Variants in THRB observed in about 807,000 individuals in gnomAD.
THRB encodes thyroid hormone receptor beta, also known as nuclear receptor subfamily 1 group A member 2.
THRB carries 12 observed loss-of-function variants against 47.8 expected under a neutral mutation model. That is an observed-to-expected ratio of 0.25 (90% CI 0.16 to 0.41). THRB has a LOEUF of 0.41. THRB is among the 10% of genes least tolerant of loss of function. THRB has a pLI of 1.00. For synonymous variants in THRB, 218 were observed against 212.2 expected (o/e 1.03, Z -0.24); for missense variants, 348 against 589.2 (o/e 0.59, Z 4.24).
intron 1 of THRB, among the ~76,000 whole-genome samples, chr3:24,434,215 T>A (rs1577533286): frequency 6.6e-6 from 1 of 152,280 alleles, no homozygotes; most frequent in East Asian, 1.9e-4. Context: ...ATATTCGGTG[T>A]TTTACAAATG....
At chr3:24,326,770 T>TTTTTTTTTTTC (rs2061623063) in intron 2 of THRB, among the ~76,000 whole-genome samples, 1 of 131,046 alleles carries the variant, frequency 7.6e-6, no homozygotes, top group African/African-American at 3.0e-5. Context: ...TTTTTTTTTT[T>TTTTTTTTTTTC]TTTTTTTTTT....
chr3:24,303,839 C>T (rs1261276836), intron 2 of THRB, among the ~76,000 whole-genome samples: 1 of 152,190 alleles, frequency 6.6e-6, no homozygotes, highest in Non-Finnish European at 1.5e-5. Context: ...GCATTTCCTA[C>T]ATGTACTTTT....
chr3:24,485,806 C>T (rs1697207026), intron 1 of THRB, among the ~76,000 whole-genome samples: 2 of 152,190 alleles, frequency 1.3e-5, no homozygotes, highest in Admixed American at 6.5e-5. Flanking sequence ...GTACATTGTA[C>T]TTAACTATGT....
At chr3:24,313,538 T>G (rs554830067) in intron 2 of THRB, among the ~76,000 whole-genome samples, 1 of 152,302 alleles carries the variant, frequency 6.6e-6, no homozygotes, top group South Asian at 2.1e-4. Context: ...AAAATATGTT[T>G]CTCTCTACTT....
At chr3:24,149,225 G>T (rs1416733442) in intron 6 of THRB, among the ~76,000 whole-genome samples, 2 of 152,188 alleles carry the variant, frequency 1.3e-5, no homozygotes, top group African/African-American at 4.8e-5. Context: ...GAGGGGAGGG[G>T]TAGGGTAGCA....
intron 1 of THRB, among the ~76,000 whole-genome samples, chr3:24,383,269 A>G (rs1486438387): frequency 6.6e-6 from 1 of 152,082 alleles, no homozygotes; most frequent in Non-Finnish European, 1.5e-5. Context: ...TTCCCCATTT[A>G]TCTAACTATT....
At chr3:24,295,272 T>C (rs950013213) in intron 3 of THRB, among the ~76,000 whole-genome samples, 18 of 152,234 alleles carry the variant, frequency 1.2e-4, no homozygotes, top group African/African-American at 4.1e-4. Flanking sequence ...TGGTAAGTGA[T>C]AGCCCTAACC....
chr3:24,294,649 A>G (rs1487640212), intron 3 of THRB, among the ~76,000 whole-genome samples: 1 of 152,206 alleles, frequency 6.6e-6, no homozygotes, highest in East Asian at 1.9e-4. Flanking sequence ...CCTGGGAACA[A>G]AAGGCAACAC....
At chr3:24,368,715 T>C (rs942072576) in intron 1 of THRB, among the ~76,000 whole-genome samples, 18 of 152,196 alleles carry the variant, frequency 1.2e-4, no homozygotes, top group African/African-American at 4.3e-4. Context: ...CTTACCTTGA[T>C]GATTCTATTT....
intron 5 of THRB, among the ~76,000 whole-genome samples, chr3:24,170,859 TAA>T (rs879643031): frequency 6.8e-6 from 1 of 146,830 alleles, no homozygotes; most frequent in Non-Finnish European, 1.5e-5. Context: ...CATGTGCATT[TAA>T]AAAAAAAAAA....
chr3:24,467,429 T>G (rs988397531), intron 1 of THRB, among the ~76,000 whole-genome samples: 2 of 152,240 alleles, frequency 1.3e-5, no homozygotes, highest in Non-Finnish European at 2.9e-5. Flanking sequence ...ATTTCCAGAA[T>G]GTTTTCAATT....
intron 5 of THRB, among the ~76,000 whole-genome samples, chr3:24,160,663 G>A (rs1243720530): frequency 1.3e-5 from 2 of 152,154 alleles, no homozygotes; most frequent in South Asian, 2.1e-4. Flanking sequence ...AGTGGGCACC[G>A]GTGAAGCCAA....
chr3:24,355,208 G>T (rs2063598830), intron 1 of THRB, among the ~76,000 whole-genome samples: 1 of 152,050 alleles, frequency 6.6e-6, no homozygotes, highest in African/African-American at 2.4e-5. Context: ...CCTTCCAAAG[G>T]CACATCACCT....
At chr3:24,309,107 G>A (rs956580560) in intron 2 of THRB, among the ~76,000 whole-genome samples, 21 of 152,134 alleles carry the variant, frequency 1.4e-4, no homozygotes, top group African/African-American at 4.1e-4. Context: ...ACCACACAGC[G>A]AAAGTGGGTT....
chr3:24,139,042 G>A (rs1404608538), intron 8 of THRB, among the ~76,000 whole-genome samples: 3 of 152,180 alleles, frequency 2.0e-5, no homozygotes, highest in Non-Finnish European at 4.4e-5. Flanking sequence ...GGAGTGACCT[G>A]CTTTCCCTTG....
At chr3:24,184,952 G>A (rs980798052) in intron 5 of THRB, among the ~76,000 whole-genome samples, 1 of 152,122 alleles carries the variant, frequency 6.6e-6, no homozygotes. Flanking sequence ...CTAACATGAA[G>A]GATTATAATG....
chr3:24,345,927 T>C (rs1378341475), intron 1 of THRB, among the ~76,000 whole-genome samples: 1 of 152,102 alleles, frequency 6.6e-6, no homozygotes, highest in Non-Finnish European at 1.5e-5. Flanking sequence ...TCAATGAGAC[T>C]TTAATAAAGC....
At chr3:24,334,960 G>A (rs9823643) in intron 2 of THRB, among the ~76,000 whole-genome samples, 30,623 of 152,078 alleles carry the variant, frequency 0.2, 3,041 homozygotes, top group East Asian at 0.29. Flanking sequence ...CGTTTGTCAC[G>A]TGTTTCTCAC....
intron 3 of THRB, among the ~76,000 whole-genome samples, chr3:24,253,155 T>C (rs1386027751): frequency 6.6e-6 from 1 of 152,052 alleles, no homozygotes; most frequent in African/African-American, 2.4e-5. Flanking sequence ...GGAGATGAAA[T>C]GCAATAACAT....
Sources: allele counts gnomAD v4.1 joint callset (sites outside exome capture counted in the v4.1 genomes callset), GRCh38; gene constraint gnomAD v4.1.1; transcripts MANE v1.5; gene names NCBI Gene and HGNC (gene_info 2026-07-23, HGNC 2026-07-21).